Variants in TLE1 observed in about 807,000 individuals in gnomAD.
TLE1 encodes transducin-like enhancer protein 1.
A neutral mutation model predicts 89.8 loss-of-function variants in TLE1; 21 were observed. That is an observed-to-expected ratio of 0.23 (90% CI 0.17 to 0.34). TLE1 has a LOEUF of 0.34. TLE1 is among the 10% of genes least tolerant of loss of function. The pLI, the probability that TLE1 is intolerant of heterozygous loss-of-function variation, is 1.00. For missense variants in TLE1, 795 were observed against 1,031.2 expected (o/e 0.77, Z 3.14); for synonymous variants, 447 against 407.6 (o/e 1.10, Z -1.16).
intron 6 of TLE1, among the ~76,000 whole-genome samples, chr9:81,648,015 T>C (rs1380844200): frequency 2.6e-5 from 4 of 152,156 alleles, no homozygotes; most frequent in Non-Finnish European, 1.5e-5. Flanking sequence ...CTTACACCTG[T>C]AATCCCAACA....
At chr9:81,664,875 T>A (rs1160736022) in intron 4 of TLE1, among the ~76,000 whole-genome samples, 1 of 152,110 alleles carries the variant, frequency 6.6e-6, no homozygotes, top group Non-Finnish European at 1.5e-5. Context: ...CCTGAGAATA[T>A]TCGTTTCTAA....
intron 4 of TLE1, among the ~76,000 whole-genome samples, chr9:81,668,706 A>C (rs1038265163): frequency 4.0e-5 from 6 of 148,316 alleles, no homozygotes; most frequent in East Asian, 1.9e-4. Flanking sequence ...AAAGTATGCC[A>C]AAAAAAAGGC....
chr9:81,627,309 G>C (rs978069943), intron 8 of TLE1, among the ~76,000 whole-genome samples: 1 of 140,584 alleles, frequency 7.1e-6, no homozygotes, highest in South Asian at 2.3e-4. Flanking sequence ...GGGAAAAATT[G>C]TTCTCTCACT....
At chr9:81,613,252 G>A in intron 12 of TLE1, 125 bp downstream of exon 12, 2 of 1,328,154 alleles carry the variant, frequency 1.5e-6, no homozygotes, top group Non-Finnish European at 2.0e-6. Flanking sequence ...TTCAGAGATA[G>A]GAAGGAGGGT....
At chr9:81,686,630 A>G (rs964280407) in intron 2 of TLE1, among the ~76,000 whole-genome samples, 1 of 152,230 alleles carries the variant, frequency 6.6e-6, no homozygotes, top group Non-Finnish European at 1.5e-5. Context: ...ATCAGGTAAA[A>G]CTTCATAGGA....
In TLE1 at chr9:81,688,484, G is replaced by A. The variant is rs1385470852; in HGVS notation, c.-244C>T. On this transcript the variant is annotated 5_prime_UTR_variant, in exon 1 of 20. Coordinates refer to ENST00000376499, the MANE Select transcript of TLE1 (RefSeq NM_005077.5). ...ATTAGTGGGCGCCCCAGGCCCAGCT[G>A]CTTCAAGAACCTGCGCGGAGACGTC... 1 of 413,984 alleles carries A rather than the reference G, an allele frequency of 2.4e-6. No individual in the cohort carries two copies. The highest frequency in any genetic ancestry group is 4.0e-5 in the East Asian group (1 of 25,150). The allele number at this position is 413,984 out of a possible 1,614,324, so 25.6% of individuals were successfully genotyped here.
chr9:81,585,530 C>T lies in TLE1; in HGVS notation c.2103G>A (p.Val701=). 1 of 1,613,968 alleles carries T rather than the reference C, an allele frequency of 6.2e-7. No homozygotes were observed. The highest frequency in any genetic ancestry group is 8.5e-7 in the Non-Finnish European group (1 of 1,180,012). Reference sequence around the variant, plus strand: ...CACAGTAAGCAAATTTCAGGGACAGCACGCAGCTCTCATGCAGGTGCAGCT... The same window carrying T: ...CACAGTAAGCAAATTTCAGGGACAGTACGCAGCTCTCATGCAGGTGCAGCT... ...KYQLHLHESC[V]LSLKFAYCGK... The change falls in exon 18 of 20, where the codon GTG becomes GTA. Residue 701 remains valine (V), a synonymous_variant. Coordinates refer to ENST00000376499, the MANE Select transcript of TLE1 (RefSeq NM_005077.5).
chr9:81,610,893 A>T (rs1465236357), intron 13 of TLE1, among the ~76,000 whole-genome samples: 1 of 152,192 alleles, frequency 6.6e-6, no homozygotes. Context: ...TGCAGCGTTA[A>T]GGACAGCATG....
chr9:81,633,770 TAAC>T (rs1827012668), intron 7 of TLE1: 1 of 480,930 alleles, frequency 2.1e-6, no homozygotes, highest in African/African-American at 1.9e-5. Context: ...TCGCCCCATT[TAAC>T]AACATTACTT....
intron 9 of TLE1, among the ~76,000 whole-genome samples, chr9:81,617,409 G>A (rs2132137203): frequency 6.6e-6 from 1 of 152,310 alleles, no homozygotes; most frequent in African/African-American, 2.4e-5. Context: ...ATTCGGAAAA[G>A]CTGTTCAGCC....
At chr9:81,636,247 T>C (rs1827343060) in intron 6 of TLE1, among the ~76,000 whole-genome samples, 2 of 152,102 alleles carry the variant, frequency 1.3e-5, no homozygotes, top group South Asian at 4.1e-4. Context: ...TCTGTCACCT[T>C]TTAAGAGCTT....
chr9:81,633,425 A>G, intron 7 of TLE1, 61 bp from the exon 8 acceptor site: 1 of 1,612,916 alleles, frequency 6.2e-7, no homozygotes, highest in Non-Finnish European at 8.5e-7. Flanking sequence ...AGGCAAGAAC[A>G]GAAATAAAAA....
At chr9:81,679,998 A>G (rs1262818703) in intron 4 of TLE1, among the ~76,000 whole-genome samples, 2 of 151,684 alleles carry the variant, frequency 1.3e-5, no homozygotes, top group East Asian at 1.9e-4. Context: ...AAAGAAACAG[A>G]TTTTCTTTCT....
intron 15 of TLE1, among the ~76,000 whole-genome samples, 187 bp from the exon 16 acceptor site, chr9:81,591,239 A>G (rs1829445727): frequency 6.6e-6 from 1 of 152,210 alleles, no homozygotes; most frequent in Non-Finnish European, 1.5e-5. Context: ...TAAACAAAAC[A>G]AATTCACAGG....
intron 8 of TLE1, among the ~76,000 whole-genome samples, chr9:81,632,474 C>CTTTTTTTTT (rs1563998736): frequency 4.1e-5 from 3 of 73,408 alleles, no homozygotes; most frequent in Non-Finnish European, 3.0e-5. Context: ...GTTCAGTATC[C>CTTTTTTTTT]CTTTTTTTTT....
chr9:81,619,900 A>G (rs1825012617), intron 9 of TLE1, among the ~76,000 whole-genome samples: 2 of 152,220 alleles, frequency 1.3e-5, no homozygotes, highest in South Asian at 4.1e-4. Flanking sequence ...CCATGAACTT[A>G]GATCACTAGA....
chr9:81,609,067 C>T (rs12235264), intron 14 of TLE1, among the ~76,000 whole-genome samples: 57,867 of 151,470 alleles, frequency 0.38, 12,636 homozygotes, highest in East Asian at 0.78. Context: ...CTCCCCTCCC[C>T]TTTCCTCTCC....
chr9:81,600,810 C>G (rs1257671801), intron 14 of TLE1, among the ~76,000 whole-genome samples: 1 of 152,134 alleles, frequency 6.6e-6, no homozygotes, highest in African/African-American at 2.4e-5. Flanking sequence ...AGGTCCCCCA[C>G]CAGTGCAGGT....
At chr9:81,633,197 A>C in intron 8 of TLE1, 151 bp downstream of exon 8, 4 of 1,354,042 alleles carry the variant, frequency 3.0e-6, no homozygotes, top group Non-Finnish European at 2.9e-6. Context: ...AAGGAAAAAA[A>C]GTAAAAGAAA....
Sources: gnomAD v4.1 joint callset for allele counts (sites outside exome capture counted in the v4.1 genomes callset) on GRCh38, gnomAD v4.1.1 for gene constraint, MANE v1.5 for transcripts, NCBI Gene and HGNC (gene_info 2026-07-23, HGNC 2026-07-21) for gene names.